CR2: variants seen among roughly 807,000 people sequenced by gnomAD.
CR2 encodes the protein complement C3d receptor 2.
Under a neutral mutation model 123.0 loss-of-function variants are expected in CR2, and 96 were observed. That is an observed-to-expected ratio of 0.78 (90% confidence interval 0.66 to 0.93). The LOEUF is 0.93. Among genes scored for constraint, CR2 ranks in the 40% least tolerant of loss-of-function variants. The pLI is 0.00. For missense variants in CR2, 1,258 were observed against 1,361.0 expected (o/e 0.92, Z 1.19); for synonymous variants, 484 against 469.5 (o/e 1.03, Z -0.40).
chr1:207,466,580 C>G lies in CR2; in HGVS notation c.113C>G (p.Ser38Cys), dbSNP rs1212515282. ...CTAAATGGCCGGATTAGTTATTATT[C>G]TACCCCCATTGCTGTTGGTACCGTG... is the stretch of plus-strand genomic sequence containing the variant. ...PILNGRISYY[S>C]TPIAVGTVIR... The change falls in exon 2 of 20, where the codon TCT (serine) becomes TGT (cysteine). Residue 38 changes from serine (S) to cysteine (C), a missense_variant. Ser to Cys is a moderately radical substitution (Grantham distance 112). Transcript: ENST00000367057. 1 of 1,614,034 alleles carries G rather than the reference C, an allele frequency of 6.2e-7. No individual in the cohort carries two copies. Among genetic ancestry groups the G allele is most frequent in the Non-Finnish European group, 8.5e-7 (1 of 1,179,954 alleles).
rs150220212 is a variant in CR2, at chr1:207,480,030, C to T, written c.3165C>T (p.Tyr1055=). The T allele has an allele frequency of 8.9e-5, 143 of 1,612,534 alleles. No individual in the cohort carries two copies. Among genetic ancestry groups the T allele is most frequent in the East Asian group, 2.0e-4 (9 of 44,848 alleles). ...LLTFLIVITL[Y]VISKHRARNY... is the part of the protein sequence containing the mutation. ...CCTTCTTGATTGTCATTACCTTATA[C>T]GTGATATCAAAACACAGAGCACGGT... Residue 1055 remains tyrosine, a synonymous_variant, in exon 18 of 20, where the codon TAC becomes TAT. Coordinates refer to ENST00000367057, the MANE Select transcript of CR2 (RefSeq NM_001006658.3).
At position 207,475,458 on chromosome 1, in the gene CR2, G is replaced by A. The variant is rs372460675; in HGVS notation, c.2716+242G>A. Among the ~76,000 whole-genome samples the A allele has an allele frequency of 5.6e-4, 86 of 152,254 alleles. No homozygotes were observed. In the South Asian group the frequency reaches 0.01, roughly 18 times the overall value. On this transcript the variant is annotated intron_variant, in intron 14 of 19. Transcript: ENST00000367057. ...ATAATGGCTAACTTCCAAATTGATA[G>A]CATCTCCAAAAATTGTTATTGTTAT... is the stretch of plus-strand genomic sequence containing the variant.
intron 9 of CR2, chr1:207,472,025 A>AT: frequency 5.4e-6 from 1 of 185,334 alleles, no homozygotes; most frequent in South Asian, 1.1e-4. Flanking sequence ...TGAGGGCGGC[A>AT]GATCACAAGG....
In CR2 at chr1:207,473,643, G is replaced by A. The variant is rs1347108897; in HGVS notation, c.2077G>A (p.Gly693Ser). ...GMTVDYTCDPGYLLVGNKSIH... is the reference protein window; with the variant it reads ...GMTVDYTCDPSYLLVGNKSIH... Reference sequence around the variant, plus strand: ...GACTGTAGACTACACTTGTGACCCTGGCTATTTGCTTGTGGGAAACAAATC... The same window carrying A: ...GACTGTAGACTACACTTGTGACCCTAGCTATTTGCTTGTGGGAAACAAATC... The change falls in exon 11 of 20, where the codon GGC becomes AGC. Residue 693 changes from glycine (G) to serine (S), a missense_variant. Gly to Ser is a moderately conservative substitution (Grantham distance 56). Transcript: ENST00000367057. 6.2e-7 allele frequency: 1 copy of A among 1,613,994 alleles called. No homozygotes were observed. The highest frequency in any genetic ancestry group is 8.5e-7 in the Non-Finnish European group (1 of 1,179,918).
At chr1:207,479,217 T>A in intron 16 of CR2, 40 bp from the exon 17 acceptor site, 1 of 1,500,874 alleles carries the variant, frequency 6.7e-7, no homozygotes, top group Non-Finnish European at 9.3e-7. Flanking sequence ...ATTATGACAC[T>A]ATACTGATAA....
intron 1 of CR2, among the ~76,000 whole-genome samples, chr1:207,463,212 A>G (rs1270249705): frequency 6.6e-6 from 1 of 152,180 alleles, no homozygotes; most frequent in Non-Finnish European, 1.5e-5. Context: ...TTGGGTTGAC[A>G]ATGACATATT....
rs1658389534 is a variant in CR2 at position 207,474,853 on chromosome 1, G to A, written c.2353G>A (p.Val785Ile). 2 of 1,614,024 alleles carry A rather than the reference G, an allele frequency of 1.2e-6. No homozygotes were observed. The highest frequency in any genetic ancestry group is 1.7e-6 in the Non-Finnish European group (2 of 1,179,936). Residue 785 changes from valine to isoleucine, a missense_variant, in exon 14 of 20, where the codon GTC becomes ATC. Val to Ile is a conservative substitution (Grantham distance 29). Coordinates refer to ENST00000367057, the MANE Select transcript of CR2 (RefSeq NM_001006658.3). Reference sequence around the variant, plus strand: ...TCACTGTCACCCTCCACCAGTGATTGTCAATGGGAAGCACACAGGCATGAT... The same window carrying A: ...TCACTGTCACCCTCCACCAGTGATTATCAATGGGAAGCACACAGGCATGAT... Reference protein sequence around the residue: ...VIHCHPPPVIVNGKHTGMMAE... With the variant: ...VIHCHPPPVIINGKHTGMMAE...
intron 16 of CR2, among the ~76,000 whole-genome samples, chr1:207,478,553 A>T (rs1258317699): frequency 4.7e-5 from 7 of 149,974 alleles, no homozygotes; most frequent in Non-Finnish European, 7.4e-5. Flanking sequence ...AAAAAGAAAG[A>T]AAGAAATTAA....
chr1:207,469,647 T>C, intron 5 of CR2, 48 bp from the exon 6 acceptor site: 1 of 1,575,940 alleles, frequency 6.3e-7, no homozygotes, highest in Non-Finnish European at 8.7e-7. Context: ...GCATTCTTTG[T>C]TTTCAATACA....
At chr1:207,458,065 C>CACACACACACACACACACACACATAT (rs1558186022) in intron 1 of CR2, among the ~76,000 whole-genome samples, 6 of 145,678 alleles carry the variant, frequency 4.1e-5, no homozygotes, top group African/African-American at 1.6e-4. Context: ...CCACAACACA[C>CACACACACACACACACACACACATAT]ACACACACAC....
At chr1:207,458,366 T>C (rs1220794130) in intron 1 of CR2, among the ~76,000 whole-genome samples, 1 of 152,154 alleles carries the variant, frequency 6.6e-6, no homozygotes, top group Non-Finnish European at 1.5e-5. Context: ...GAATATTCCT[T>C]TAAAAATGTA....
In CR2 at chr1:207,477,922, C is replaced by A. The variant is rs148770668; in HGVS notation, c.2940C>A (p.Ile980=). ...NCSSPADMDG[I]QKGLEPRKMY... ...GCTCACCAGCAGATATGGATGGAAT[C>A]CAGAAAGGGCTGGAACCAAGGAAAA... Residue 980 remains isoleucine (I), a synonymous_variant, in exon 16 of 20, where the codon ATC becomes ATA. Transcript: ENST00000367057. 5.0e-5 allele frequency: 80 copies of A among 1,613,950 alleles called. No individual in the cohort carries two copies. In the African/African-American group the frequency reaches 9.9e-4, roughly 20 times the overall value.
chr1:207,486,726 C>T (rs2182911), intron 19 of CR2, among the ~76,000 whole-genome samples: 126,010 of 152,158 alleles, frequency 0.83, 52,357 homozygotes, highest in East Asian at 0.96. Context: ...CAGTAGGATT[C>T]GTGGATAGTT....
chr1:207,469,578 G>A, intron 5 of CR2, 117 bp from the exon 6 acceptor site: 1 of 952,386 alleles, frequency 1.0e-6, no homozygotes, highest in African/African-American at 1.6e-5. Flanking sequence ...TGCCTTGACT[G>A]ATTCATTATA....
rs1163220794 is a variant in CR2 at position 207,472,820 on chromosome 1, G to A, written c.1619G>A (p.Gly540Glu). Reference sequence around the variant, plus strand: ...GTTATCTACAATGGGGCACACACCGGGAGTTCCTTAGAAGATTTTCCATAT... The same window carrying A: ...GTTATCTACAATGGGGCACACACCGAGAGTTCCTTAGAAGATTTTCCATAT... ...PPVIYNGAHT[G>E]SSLEDFPYGT... The change falls in exon 10 of 20, where the codon GGG (glycine) becomes GAG (glutamate). Residue 540 changes from glycine to glutamate, a missense_variant. By Grantham distance (98) the Gly-to-Glu change is moderately conservative. Transcript: ENST00000367057. The A allele has an allele frequency of 1.9e-6, 3 of 1,613,920 alleles. No homozygotes were observed. The highest frequency in any genetic ancestry group is 1.1e-5 in the South Asian group (1 of 91,082).
chr1:207,489,248 G>A lies in CR2; in HGVS notation c.*125G>A, dbSNP rs1469378156. ...CAAGATCAATGAAATGATGTCATAA[G>A]CGATCACTTCCTATATGCACTTATT... On this transcript the variant is annotated 3_prime_UTR_variant, in exon 20 of 20. Coordinates refer to ENST00000367057, the MANE Select transcript of CR2 (RefSeq NM_001006658.3). The A allele has an allele frequency of 6.6e-6, 1 of 152,128 alleles. No homozygotes were observed. Among genetic ancestry groups the A allele is most frequent in the Non-Finnish European group, 1.5e-5 (1 of 68,042 alleles). The allele number at this position is 152,128 out of a possible 1,614,324, so 9.4% of individuals were successfully genotyped here. A position where few individuals can be genotyped will look rare whatever the true frequency, so the allele number is the denominator to read the frequency against.
In CR2 at chr1:207,470,904, C is replaced by T. The variant is rs41313740; in HGVS notation, c.1390C>T (p.Pro464Ser). 7.7e-5 allele frequency: 124 copies of T among 1,613,658 alleles called. No individual in the cohort carries two copies. Among genetic ancestry groups the T allele is most frequent in the African/African-American group, 1.9e-4 (14 of 74,862 alleles). Residue 464 changes from proline to serine, a missense_variant, in exon 7 of 20, where the codon CCC becomes TCC. Coordinates refer to ENST00000367057, the MANE Select transcript of CR2 (RefSeq NM_001006658.3). ...TSEGVWTPPV[P>S]QCKVAACEAT... ...TGAGGGGGTGTGGACACCCCCTGTA[C>T]CCCAATGCAAAGGTGCCAGGCCTCA...
chr1:207,480,448 G>GTCTTTAAGTCATGTTTTCATGT (rs375710228), intron 18 of CR2, among the ~76,000 whole-genome samples: 1 of 151,528 alleles, frequency 6.6e-6, no homozygotes, highest in South Asian at 2.1e-4. Context: ...ATGTTTTTAT[G>GTCTTTAAGTCATGTTTTCATGT]CTTTAAGTCA....
intron 1 of CR2, among the ~76,000 whole-genome samples, chr1:207,458,958 A>G (rs1305748350): frequency 6.6e-6 from 1 of 151,852 alleles, no homozygotes; most frequent in Non-Finnish European, 1.5e-5. Context: ...CAAACAGGGA[A>G]AGACCCTAAA....
Sources: allele counts gnomAD v4.1 joint callset (sites outside exome capture counted in the v4.1 genomes callset), GRCh38; gene constraint gnomAD v4.1.1; transcripts MANE v1.5; gene names NCBI Gene and HGNC (gene_info 2026-07-23, HGNC 2026-07-21).